The following MTUS2 variants were observed in gnomAD, a reference collection of about 807,000 sequenced individuals.
MTUS2 encodes the protein microtubule-associated tumor suppressor candidate 2.
MTUS2 carries 40 observed loss-of-function variants against 114.1 expected under a neutral mutation model. The observed-to-expected ratio is 0.35, with a 90% confidence interval of 0.27 to 0.46. The LOEUF (loss-of-function observed/expected upper bound fraction) is 0.46. Among genes scored for constraint, MTUS2 ranks in the 20% least tolerant of loss-of-function variants. The probability of loss-of-function intolerance (pLI) is 1.00; values close to 1 mark genes in which losing one functional copy is unlikely to be tolerated. For synonymous variants in MTUS2, 688 were observed against 672.0 expected (o/e 1.02, Z -0.37); for missense variants, 1,679 against 1,705.4 (o/e 0.98, Z 0.27).
In MTUS2 at chr13:29,324,714, A is replaced by G. The variant is rs1046876937; in HGVS notation, c.2905+3A>G. ...AACCACCAAGCTTCATTCACCAGGTATGTAAGAAATATGATGTGTTCCTTG... is the reference window on the plus strand; with the variant it reads ...AACCACCAAGCTTCATTCACCAGGTGTGTAAGAAATATGATGTGTTCCTTG... On this transcript the variant is annotated splice_donor_region_variant and intron_variant, in intron 7 of 15. Coordinates refer to ENST00000612955, the MANE Select transcript of MTUS2 (RefSeq NM_001033602.4). 1.9e-6 allele frequency: 3 copies of G among 1,587,604 alleles called. No homozygotes were observed. The highest frequency in any genetic ancestry group is 1.2e-5 in the South Asian group (1 of 86,880).
intron 6 of MTUS2, among the ~76,000 whole-genome samples, chr13:29,300,516 T>A (rs774652035): frequency 2.0e-5 from 3 of 152,200 alleles, no homozygotes; most frequent in Non-Finnish European, 1.5e-5. Flanking sequence ...AATGCATTCT[T>A]ATGCAAATTG....
intron 2 of MTUS2, among the ~76,000 whole-genome samples, chr13:28,842,601 A>G (rs1255121157): frequency 6.6e-6 from 1 of 152,156 alleles, no homozygotes; most frequent in Non-Finnish European, 1.5e-5. Flanking sequence ...GGATTGAAAT[A>G]ATTTATCGCT....
chr13:29,237,927 TAAAAA>T (rs1202129404), intron 5 of MTUS2, among the ~76,000 whole-genome samples: 2 of 151,414 alleles, frequency 1.3e-5, no homozygotes, highest in Non-Finnish European at 2.9e-5. Flanking sequence ...CATAAGAATG[TAAAAA>T]AAAGAAAAAA....
intron 5 of MTUS2, among the ~76,000 whole-genome samples, chr13:29,263,981 TA>T (rs1229396099): frequency 6.6e-6 from 1 of 152,092 alleles, no homozygotes; most frequent in East Asian, 1.9e-4. Flanking sequence ...TTAACATCAC[TA>T]AAAAAGTCCA....
intron 2 of MTUS2, among the ~76,000 whole-genome samples, chr13:28,913,736 A>G (rs962650295): frequency 6.6e-6 from 1 of 151,968 alleles, no homozygotes; most frequent in African/African-American, 2.4e-5. Context: ...CTGTAAATCC[A>G]TCTGGTCCTG....
intron 12 of MTUS2, among the ~76,000 whole-genome samples, chr13:29,495,181 CAAAAAAAAAA>C (rs71090260): frequency 0.016 from 488 of 30,094 alleles, 13 homozygotes; most frequent in African/African-American, 0.06. Flanking sequence ...AACTCCGTCT[CAAAAAAAAAA>C]AAAAAAAAAA....
At chr13:29,346,754 A>G (rs1174438738) in intron 7 of MTUS2, among the ~76,000 whole-genome samples, 8 of 146,010 alleles carry the variant, frequency 5.5e-5, no homozygotes. Flanking sequence ...GTCTTTCCCC[A>G]ATTCCACTGG....
intron 1 of MTUS2, among the ~76,000 whole-genome samples, chr13:28,832,507 G>C (rs1874757865): frequency 1.8e-5 from 1 of 55,872 alleles, no homozygotes; most frequent in South Asian, 3.2e-4. Flanking sequence ...AATACTTAGA[G>C]GGATTTTTTT....
chr13:29,238,996 CG>C (rs1896636811), intron 5 of MTUS2, among the ~76,000 whole-genome samples: 1 of 151,972 alleles, frequency 6.6e-6, no homozygotes, highest in Non-Finnish European at 1.5e-5. Flanking sequence ...TACGAAGTTT[CG>C]GTTATGCAGG....
intron 9 of MTUS2, among the ~76,000 whole-genome samples, chr13:29,473,689 T>A (rs561707535): frequency 2.0e-5 from 3 of 152,338 alleles, no homozygotes; most frequent in Non-Finnish European, 4.4e-5. Flanking sequence ...TACAACAGAT[T>A]ATAATCCTAC....
intron 5 of MTUS2, among the ~76,000 whole-genome samples, chr13:29,150,485 T>C (rs1377346848): frequency 6.6e-6 from 1 of 152,184 alleles, no homozygotes; most frequent in African/African-American, 2.4e-5. Context: ...TCTCATTCTA[T>C]AGGTTTCTGT....
At chr13:29,499,322 G>C (rs1365004691) in intron 14 of MTUS2, among the ~76,000 whole-genome samples, 1 of 152,208 alleles carries the variant, frequency 6.6e-6, no homozygotes, top group African/African-American at 2.4e-5. Flanking sequence ...GCCAGGGCTA[G>C]AGTCCCAGAA....
chr13:29,150,725 T>C (rs1301153444), intron 5 of MTUS2, among the ~76,000 whole-genome samples: 1 of 152,134 alleles, frequency 6.6e-6, no homozygotes, highest in South Asian at 2.1e-4. Flanking sequence ...TATACTGATA[T>C]GTAGTGGTCC....
At chr13:28,839,286 C>T (rs1875311596) in intron 1 of MTUS2, among the ~76,000 whole-genome samples, 1 of 152,082 alleles carries the variant, frequency 6.6e-6, no homozygotes, top group Non-Finnish European at 1.5e-5. Flanking sequence ...CATAGCTACT[C>T]TGGTTTTTTA....
chr13:29,115,067 T>G (rs1056229776), intron 5 of MTUS2, among the ~76,000 whole-genome samples: 1 of 152,130 alleles, frequency 6.6e-6, no homozygotes. Flanking sequence ...GTGAGAGAAA[T>G]GTACAGGATA....
At chr13:28,950,561 C>T (rs1566246311) in intron 2 of MTUS2, among the ~76,000 whole-genome samples, 1 of 152,130 alleles carries the variant, frequency 6.6e-6, no homozygotes, top group African/African-American at 2.4e-5. Context: ...AAGACTTTAG[C>T]CTTACATTTA....
chr13:29,023,481 GT>G (rs1468757884), intron 2 of MTUS2, among the ~76,000 whole-genome samples: 1 of 151,974 alleles, frequency 6.6e-6, no homozygotes, highest in Non-Finnish European at 1.5e-5. Context: ...ATACATACAC[GT>G]TTTTCTTGGT....
chr13:29,212,838 G>T (rs1381440471), intron 5 of MTUS2, among the ~76,000 whole-genome samples: 6 of 152,178 alleles, frequency 3.9e-5, no homozygotes. Context: ...CTATACTTTA[G>T]GAATTTTTAT....
intron 8 of MTUS2, among the ~76,000 whole-genome samples, chr13:29,376,808 G>A (rs1871784413): frequency 6.6e-6 from 1 of 152,050 alleles, no homozygotes; most frequent in Non-Finnish European, 1.5e-5. Flanking sequence ...CCAATTAAAA[G>A]ATAAAGATTG....
Sources: allele counts gnomAD v4.1 joint callset (sites outside exome capture counted in the v4.1 genomes callset), GRCh38; gene constraint gnomAD v4.1.1; transcripts MANE v1.5; gene names NCBI Gene and HGNC (gene_info 2026-07-23, HGNC 2026-07-21).